The following EPB42 variants were observed in gnomAD, a reference collection of about 807,000 sequenced individuals.
EPB42 encodes the protein erythrocyte membrane protein band 4.2.
EPB42 carries 49 observed loss-of-function variants against 76.9 expected under a neutral mutation model. The ratio of observed to expected loss-of-function variants is 0.64; its 90% CI spans 0.51 to 0.81. The LOEUF is 0.81. Among genes scored for constraint, EPB42 ranks in the 30% least tolerant of loss-of-function variants. The pLI is 0.00. For synonymous variants in EPB42, 310 were observed against 338.4 expected, an observed-to-expected ratio of 0.92 and a Z score of 0.92; for missense variants, 731 against 867.6, an observed-to-expected ratio of 0.84 and a Z score of 1.98.
At chr15:43,197,564 G>A in intron 12 of EPB42, 100 bp from the exon 13 acceptor site, 2 of 1,383,358 alleles carry the variant, frequency 1.4e-6, no homozygotes, top group Non-Finnish European at 2.0e-6. Flanking sequence ...GGTGGACCAT[G>A]CAGAAATAAA....
rs1186857808 is a variant in EPB42, at chr15:43,206,576, G to A, written c.1372C>T (p.Arg458Cys). The A allele has an allele frequency of 6.2e-6, 10 of 1,614,136 alleles. No individual in the cohort carries two copies. Among genetic ancestry groups the A allele is most frequent in the South Asian group, 1.1e-5 (1 of 91,070 alleles). ...LERVEKEKME[R>C]EKDNGIRPPS... The stretch of plus-strand genomic sequence containing the variant: ...GGACGGATGCCGTTGTCTTTCTCAC[G>A]TTCCATTTTCTCTTTCTCGACTCTC... Residue 458 changes from arginine to cysteine, a missense_variant, in exon 10 of 13, where the codon CGT becomes TGT. Coordinates refer to ENST00000441366, the MANE Select transcript of EPB42 (RefSeq NM_001114134.2). The surrounding 1 kb of genome is among the most constrained non-coding windows in gnomAD (Gnocchi z 4.7).
At chr15:43,199,334 C>A (rs2042094291) in intron 12 of EPB42, among the ~76,000 whole-genome samples, 1 of 152,204 alleles carries the variant, frequency 6.6e-6, no homozygotes, top group South Asian at 2.1e-4. Context: ...CCACCTCTTG[C>A]ATTATTGTGA....
chr15:43,216,222 AC>A (rs1183003054), intron 2 of EPB42, 45 bp downstream of exon 2: 9 of 1,606,628 alleles, frequency 5.6e-6, no homozygotes, highest in Non-Finnish European at 7.7e-6. Flanking sequence ...AGAACAGAGA[AC>A]CCCCCAGGCC....
In EPB42 at chr15:43,217,655, A is replaced by G. The variant is rs1056430205; in HGVS notation, c.11-1202T>C. Among the ~76,000 whole-genome samples the G allele has an allele frequency of 3.9e-5, 6 of 152,216 alleles. No individual in the cohort carries two copies. In the East Asian group the frequency reaches 1.2e-3, roughly 29 times the overall value. ...CTCCTTGGTCTGAAAGGCAGCCTGC[A>G]GTTTTTGCACTGGCTCAACTGCCAC... On this transcript the variant is annotated intron_variant, in intron 1 of 12. Coordinates refer to ENST00000441366, the MANE Select transcript of EPB42 (RefSeq NM_001114134.2).
chr15:43,213,858 C>T (rs951979561), intron 3 of EPB42, among the ~76,000 whole-genome samples: 3 of 152,202 alleles, frequency 2.0e-5, no homozygotes, highest in Admixed American at 6.5e-5. Flanking sequence ...CACCTGAAGT[C>T]GGGGAGAACG....
At position 43,206,631 on chromosome 15, in the gene EPB42, T is replaced by A; in HGVS notation, c.1319-2A>T. The A allele has an allele frequency of 1.2e-6, 2 of 1,614,134 alleles. No individual in the cohort carries two copies. Among genetic ancestry groups the A allele is most frequent in the Non-Finnish European group, 1.7e-6 (2 of 1,180,012 alleles). ...GCACCTCTTTTTCCTGAAGAGACCC[T>A]GGAGAAGGGAAGAAACAAAGCTGAC... On this transcript the variant is annotated splice_acceptor_variant, in intron 9 of 12. Coordinates refer to ENST00000441366, the MANE Select transcript of EPB42 (RefSeq NM_001114134.2). LOFTEE classifies it high-confidence loss of function. This position sits in a 1 kb window ranked among gnomAD's most constrained non-coding sequence, Gnocchi z 4.7.
At chr15:43,208,578 T>C in intron 7 of EPB42, 59 bp downstream of exon 7, 1 of 1,607,704 alleles carries the variant, frequency 6.2e-7, no homozygotes, top group East Asian at 2.2e-5. Flanking sequence ...TGCAGAGGTG[T>C]GCTATGCAGG....
Position 43,209,471 on chromosome 15 carries a change from G to C in EPB42, c.655-20C>G. On this transcript the variant is annotated intron_variant, in intron 5 of 12. Transcript: ENST00000441366. The stretch of plus-strand genomic sequence containing the variant: ...ATGCAGCTGTTTGGGGAAATGTGTG[G>C]ATGTCAGTATGAGTCCCTTGGGCAG... 1 of 1,604,140 alleles carries C rather than the reference G, an allele frequency of 6.2e-7. No homozygotes were observed. The highest frequency in any genetic ancestry group is 2.2e-5 in the East Asian group (1 of 44,776).
rs2042362354 is a variant in EPB42, at chr15:43,215,345, A to C, written c.197-17T>G. 6.2e-7 allele frequency: 1 copy of C among 1,612,458 alleles called. No homozygotes were observed. Among genetic ancestry groups the C allele is most frequent in the African/African-American group, 1.3e-5 (1 of 74,876 alleles). ...GCTGCTCTCCTGTAGTCACACGGTG[A>C]TTAGTCTGTCACTGGGACTTCTTGG... On this transcript the variant is annotated splice_polypyrimidine_tract_variant and intron_variant, in intron 2 of 12. Transcript: ENST00000441366.
upstream of EPB42, among the ~76,000 whole-genome samples, chr15:43,225,019 C>A (rs2042495095): frequency 6.6e-6 from 1 of 152,270 alleles, no homozygotes; most frequent in Non-Finnish European, 1.5e-5. Context: ...AGTGATCCCC[C>A]AGCCTTGGCC....
chr15:43,214,664 C>T (rs1391829562), intron 3 of EPB42, among the ~76,000 whole-genome samples: 1 of 152,082 alleles, frequency 6.6e-6, no homozygotes, highest in Non-Finnish European at 1.5e-5. Context: ...AGCCTGAGTG[C>T]ACTCTGGAAA....
intron 4 of EPB42, among the ~76,000 whole-genome samples, chr15:43,211,014 G>A (rs183288003): frequency 2.8e-4 from 43 of 152,280 alleles, no homozygotes; most frequent in Admixed American, 9.8e-4. Flanking sequence ...AGCTTGCCAG[G>A]AGATAAGAGT....
At chr15:43,210,626 A>G (rs564364656) in intron 4 of EPB42, among the ~76,000 whole-genome samples, 187 bp from the exon 5 acceptor site, 2 of 151,700 alleles carry the variant, frequency 1.3e-5, no homozygotes, top group East Asian at 3.9e-4. Context: ...CCAACCTCTC[A>G]ATGGGACCTG....
In EPB42 at chr15:43,206,715, C is replaced by G; in HGVS notation, c.1319-86G>C. 1.3e-6 allele frequency: 2 copies of G among 1,510,452 alleles called. No homozygotes were observed. Among genetic ancestry groups the G allele is most frequent in the Non-Finnish European group, 1.8e-6 (2 of 1,098,292 alleles). 93.6% of individuals were successfully genotyped at this position (1,510,452 alleles called of 1,614,324 possible). The stretch of plus-strand genomic sequence containing the variant: ...AACCCTGGGAATCAAAACCATTTAC[C>G]CACTTCTGCTCAAATGCCAAAGTCA... On this transcript the variant is annotated intron_variant, in intron 9 of 12. Coordinates refer to ENST00000441366, the MANE Select transcript of EPB42 (RefSeq NM_001114134.2). This position sits in a 1 kb window ranked among gnomAD's most constrained non-coding sequence, Gnocchi z 4.7.
intron 12 of EPB42, among the ~76,000 whole-genome samples, chr15:43,200,856 C>T (rs1596402097): frequency 6.6e-6 from 1 of 151,710 alleles, no homozygotes. Context: ...GCTCTTTCAC[C>T]CGGGCTGGAC....
rs61737121 is a variant in EPB42 at position 43,209,440 on chromosome 15, G to A, written c.666C>T (p.Leu222=). The A allele has an allele frequency of 1.9e-6, 3 of 1,610,688 alleles. No homozygotes were observed. The African/African-American group carries it at 4.0e-5, about 22-fold the overall frequency. Residue 222 remains leucine, a synonymous_variant, in exon 6 of 13, where the codon CTC becomes CTT. Transcript: ENST00000441366. ...ARVLGALLHF[L]KEQRVLPTPQ... Reference sequence around the variant, plus strand: ...GGGTGGGCAGGACCCTCTGCTCCTTGAGAAAATGCAGCTGTTTGGGGAAAT... The same window carrying A: ...GGGTGGGCAGGACCCTCTGCTCCTTAAGAAAATGCAGCTGTTTGGGGAAAT...
At position 43,215,251 on chromosome 15, in the gene EPB42, C is replaced by T. The variant is rs1470564143; in HGVS notation, c.274G>A (p.Ala92Thr). The part of the protein sequence containing the change: ...SSLGDRKWWS[A>T]VVEERDAQSW... ...TGGGCATCTCTCTCCTCCACCACTG[C>T]ACTCCACCACTTTCGGTCCCCCAGA... is the stretch of plus-strand genomic sequence containing the variant. The change falls in exon 3 of 13, where the codon GCA becomes ACA. Residue 92 changes from alanine to threonine, a missense_variant. Transcript: ENST00000441366. 1 of 1,614,234 alleles carries T rather than the reference C, an allele frequency of 6.2e-7. No homozygotes were observed. The highest frequency in any genetic ancestry group is 1.7e-5 in the Admixed American group (1 of 60,026).
intron 1 of EPB42, among the ~76,000 whole-genome samples, chr15:43,217,850 G>A (rs2042401008): frequency 6.6e-6 from 1 of 152,224 alleles, no homozygotes; most frequent in African/African-American, 2.4e-5. Flanking sequence ...CTGACTTAGA[G>A]CTGAAGAGTA....
Position 43,211,475 on chromosome 15 carries a change from C to T in EPB42, c.490G>A (p.Gly164Ser), listed in dbSNP as rs2042295301. 1 of 1,614,046 alleles carries T rather than the reference C, an allele frequency of 6.2e-7. No homozygotes were observed. Among genetic ancestry groups the T allele is most frequent in the Admixed American group, 1.7e-5 (1 of 60,012 alleles). The change falls in exon 4 of 13, where the codon GGT becomes AGT. Residue 164 changes from glycine to serine, a missense_variant. Physicochemically the swap from Gly to Ser is moderately conservative, Grantham distance 56 (BLOSUM62 0). Coordinates refer to ENST00000441366, the MANE Select transcript of EPB42 (RefSeq NM_001114134.2). ...TCAGCTGTACCCAGGTAGATGAGACCATTCTGGTTCAACAAGTACTCCATG... is the reference window on the plus strand; with the variant it reads ...TCAGCTGTACCCAGGTAGATGAGACTATTCTGGTTCAACAAGTACTCCATG... ...QRMEYLLNQN[G>S]LIYLGTADCI...
Sources: gnomAD v4.1 joint callset for allele counts (sites outside exome capture counted in the v4.1 genomes callset) on GRCh38, gnomAD v4.1.1 for gene constraint, Gnocchi (gnomAD v3.1) non-coding constraint, MANE v1.5 for transcripts, NCBI Gene and HGNC (gene_info 2026-07-23, HGNC 2026-07-21) for gene names.